Variants in BABAM2 observed in about 807,000 individuals in gnomAD.
The protein encoded by BABAM2 is BRISC and BRCA1-A complex member 2.
In BABAM2, 31 loss-of-function variants were observed where a neutral mutation model predicts 54.7. That is an observed-to-expected ratio of 0.57 (90% confidence interval 0.43 to 0.77). BABAM2 has a LOEUF of 0.77. Ranked by LOEUF, BABAM2 falls within the 30% of genes least tolerant of loss-of-function variation. BABAM2 has a pLI of 0.00. For synonymous variants in BABAM2, 167 were observed against 162.9 expected, an observed-to-expected ratio of 1.03 and a Z score of -0.19; for missense variants, 364 against 455.8, an observed-to-expected ratio of 0.80 and a Z score of 1.83.
intron 4 of BABAM2, among the ~76,000 whole-genome samples, chr2:28,023,471 G>C (rs1675420828): frequency 6.6e-6 from 1 of 152,174 alleles, no homozygotes; most frequent in Non-Finnish European, 1.5e-5. Flanking sequence ...ATATCCTACT[G>C]ATACTTTGAA....
intron 10 of BABAM2, among the ~76,000 whole-genome samples, chr2:28,294,430 A>G (rs918228812): frequency 6.6e-6 from 1 of 151,902 alleles, no homozygotes; most frequent in Non-Finnish European, 1.5e-5. Context: ...TTCAATTTTG[A>G]TATAGCTGAA....
At chr2:28,252,456 T>C (rs775618970) in intron 10 of BABAM2, among the ~76,000 whole-genome samples, 3 of 152,204 alleles carry the variant, frequency 2.0e-5, no homozygotes, top group African/African-American at 7.2e-5. Context: ...CTTTTGATTA[T>C]ACACACAAGC....
At chr2:28,230,071 A>C (rs187210055) in intron 7 of BABAM2, among the ~76,000 whole-genome samples, 19 of 152,336 alleles carry the variant, frequency 1.2e-4, no homozygotes, top group African/African-American at 4.6e-4. Flanking sequence ...AGTGGAATAC[A>C]GTACTCTCAC....
chr2:27,932,498 A>G (rs1396810879), intron 3 of BABAM2, among the ~76,000 whole-genome samples: 1 of 152,218 alleles, frequency 6.6e-6, no homozygotes, highest in Admixed American at 6.5e-5. Flanking sequence ...GATAGACAAT[A>G]AAATAGTGAT....
intron 7 of BABAM2, among the ~76,000 whole-genome samples, chr2:28,169,228 G>A (rs1435570459): frequency 6.6e-6 from 1 of 152,016 alleles, no homozygotes; most frequent in Non-Finnish European, 1.5e-5. Flanking sequence ...GAATGTCTTT[G>A]GTTAAGAGGA....
chr2:27,947,581 T>G (rs565487520), intron 3 of BABAM2, among the ~76,000 whole-genome samples: 1 of 152,300 alleles, frequency 6.6e-6, no homozygotes, highest in East Asian at 1.9e-4. Context: ...TTGAGAATTC[T>G]TCATATATTT....
intron 10 of BABAM2, among the ~76,000 whole-genome samples, chr2:28,294,843 A>C (rs1195221316): frequency 6.6e-6 from 1 of 152,214 alleles, no homozygotes; most frequent in Non-Finnish European, 1.5e-5. Context: ...TTATCTCTGA[A>C]GTACTCTGAC....
At chr2:27,903,489 A>AGGC in intron 2 of BABAM2, among the ~76,000 whole-genome samples, 1 of 152,342 alleles carries the variant, frequency 6.6e-6, no homozygotes, top group Non-Finnish European at 1.5e-5. Flanking sequence ...CCCTGATGAG[A>AGGC]GGCAAATTGA....
intron 7 of BABAM2, among the ~76,000 whole-genome samples, chr2:28,222,650 A>G (rs1680521618): frequency 6.6e-6 from 1 of 152,264 alleles, no homozygotes; most frequent in African/African-American, 2.4e-5. Context: ...GTAGCAATCC[A>G]AATTCTCAAG....
intron 6 of BABAM2, among the ~76,000 whole-genome samples, chr2:28,127,876 C>T (rs7559383): frequency 0.23 from 34,439 of 150,404 alleles, 4,133 homozygotes; most frequent in South Asian, 0.45. Flanking sequence ...GTGCCATCTC[C>T]GCTCACTGCA....
At chr2:28,131,049 T>A in intron 7 of BABAM2, among the ~76,000 whole-genome samples, 2 of 45,874 alleles carry the variant, frequency 4.4e-5, no homozygotes, top group East Asian at 3.7e-4. Context: ...CCCCAAAGAG[T>A]GTTTTATTAT....
chr2:28,337,857 C>T (rs1003671366), intron 11 of BABAM2, among the ~76,000 whole-genome samples: 1 of 152,172 alleles, frequency 6.6e-6, no homozygotes, highest in Non-Finnish European at 1.5e-5. Flanking sequence ...CATGGTAGCA[C>T]ACACCTATAG....
At chr2:27,984,147 T>C in intron 3 of BABAM2, among the ~76,000 whole-genome samples, 1 of 151,904 alleles carries the variant, frequency 6.6e-6, no homozygotes, top group Admixed American at 6.6e-5. Flanking sequence ...ATTTCTTTTA[T>C]TGGAATTTAG....
intron 2 of BABAM2, among the ~76,000 whole-genome samples, chr2:27,905,538 G>A (rs1246189080): frequency 2.0e-5 from 3 of 152,096 alleles, no homozygotes; most frequent in Admixed American, 6.6e-5. Context: ...TAATGTTCAC[G>A]TTATGGTGGG....
rs556597628 is a variant in BABAM2, at chr2:28,130,219, T to G, written c.680+839T>G. On this transcript the variant is annotated intron_variant, in intron 7 of 11. Coordinates refer to ENST00000379624, the MANE Select transcript of BABAM2 (RefSeq NM_199191.3). ...GCTGATTTCTGTCTGTGAGTAGATG[T>G]GGTCACTATCTAGCATTCTTAGTAA... is the stretch of plus-strand genomic sequence containing the variant. Among the ~76,000 whole-genome samples, 103 of 152,322 alleles carry G rather than the reference T, an allele frequency of 6.8e-4. 1 individual carries two copies. Among genetic ancestry groups the G allele is most frequent in the African/African-American group, 2.4e-3 (98 of 41,566 alleles).
At chr2:28,256,358 C>T (rs1683974884) in intron 10 of BABAM2, among the ~76,000 whole-genome samples, 1 of 152,168 alleles carries the variant, frequency 6.6e-6, no homozygotes, top group Admixed American at 6.5e-5. Context: ...AAAGCCACTG[C>T]AGATTGTTGC....
chr2:28,022,773 C>T (rs550064409), intron 4 of BABAM2, among the ~76,000 whole-genome samples: 1 of 152,308 alleles, frequency 6.6e-6, no homozygotes, highest in South Asian at 2.1e-4. Context: ...CTAACTTATG[C>T]CTCCTCCTCC....
At chr2:28,079,650 C>T (rs1664990677) in intron 6 of BABAM2, among the ~76,000 whole-genome samples, 1 of 152,050 alleles carries the variant, frequency 6.6e-6, no homozygotes, top group African/African-American at 2.4e-5. Flanking sequence ...ACCTTACCTT[C>T]ATACTTATTT....
chr2:28,282,661 A>G (rs1415078828), intron 10 of BABAM2, among the ~76,000 whole-genome samples: 1 of 152,150 alleles, frequency 6.6e-6, no homozygotes, highest in Non-Finnish European at 1.5e-5. Flanking sequence ...AGCACATTGT[A>G]GGTATTCAAT....
Sources: allele counts gnomAD v4.1 joint callset (sites outside exome capture counted in the v4.1 genomes callset), GRCh38; gene constraint gnomAD v4.1.1; transcripts MANE v1.5; gene names NCBI Gene and HGNC (gene_info 2026-07-23, HGNC 2026-07-21).